The following GRAMD2B variants were observed in gnomAD, a reference collection of about 807,000 sequenced individuals.
GRAMD2B encodes the protein GRAM domain-containing protein 2B.
A neutral mutation model predicts 59.2 loss-of-function variants in GRAMD2B; 41 were observed. The ratio of observed to expected loss-of-function variants is 0.69; its 90% CI spans 0.54 to 0.90. GRAMD2B has a LOEUF of 0.90. Ranked by LOEUF, GRAMD2B falls within the 40% of genes least tolerant of loss-of-function variation. The pLI is 0.00. For synonymous variants in GRAMD2B, 161 were observed against 182.7 expected, an observed-to-expected ratio of 0.88 and a Z score of 0.96; for missense variants, 424 against 500.5, an observed-to-expected ratio of 0.85 and a Z score of 1.46.
intron 1 of GRAMD2B, among the ~76,000 whole-genome samples, chr5:126,386,390 G>A (rs1017217029): frequency 6.6e-6 from 1 of 152,194 alleles, no homozygotes; most frequent in African/African-American, 2.4e-5. Context: ...GGTTAGATGA[G>A]TTGTCAATTG....
chr5:126,367,421 C>A (rs1754506083), upstream of GRAMD2B, among the ~76,000 whole-genome samples: 1 of 142,988 alleles, frequency 7.0e-6, no homozygotes, highest in South Asian at 2.2e-4. Flanking sequence ...AAATCCTACA[C>A]CTGTAAAAAC....
At chr5:126,447,783 T>C (rs1056365476) in intron 1 of GRAMD2B, among the ~76,000 whole-genome samples, 6 of 151,756 alleles carry the variant, frequency 4.0e-5, no homozygotes, top group Non-Finnish European at 8.8e-5. Flanking sequence ...TACAGAGATG[T>C]GAAAAGACCA....
chr5:126,455,109 G>C (rs922549394), intron 1 of GRAMD2B, among the ~76,000 whole-genome samples: 1 of 151,970 alleles, frequency 6.6e-6, no homozygotes, highest in Non-Finnish European at 1.5e-5. Flanking sequence ...GTTGTCTCTG[G>C]ATTTTCCCTC....
chr5:126,457,085 G>A lies in GRAMD2B; in HGVS notation c.84-8341G>A, dbSNP rs575333357. On this transcript the variant is annotated intron_variant, in intron 1 of 13. Coordinates refer to ENST00000285689, the MANE Select transcript of GRAMD2B (RefSeq NM_023927.4). Reference sequence around the variant, plus strand: ...CAGGCGCCTGTAGTCCCAGCTACTCGGGAGGCTGAGGCGAGAGAATGGCAT... The same window carrying A: ...CAGGCGCCTGTAGTCCCAGCTACTCAGGAGGCTGAGGCGAGAGAATGGCAT... Among the ~76,000 whole-genome samples, 6 of 151,370 alleles carry A rather than the reference G, an allele frequency of 4.0e-5. No homozygotes were observed. In the East Asian group the frequency reaches 9.8e-4, roughly 25 times the overall value.
chr5:126,478,299 G>A (rs759123090), intron 6 of GRAMD2B, among the ~76,000 whole-genome samples: 2 of 151,938 alleles, frequency 1.3e-5, no homozygotes, highest in South Asian at 2.1e-4. Context: ...TTAGCCAGGT[G>A]TGGTGGTATG....
intron 1 of GRAMD2B, 66 bp downstream of exon 1, chr5:126,423,755 CG>C: frequency 2.0e-6 from 3 of 1,490,896 alleles, no homozygotes; most frequent in Non-Finnish European, 2.7e-6. Flanking sequence ...TTCTCTGCCC[CG>C]GGACGCATTT....
intron 13 of GRAMD2B, 88 bp from the exon 14 acceptor site, chr5:126,492,827 T>C (rs1774186329): frequency 2.5e-6 from 2 of 802,322 alleles, no homozygotes; most frequent in Admixed American, 2.5e-5. Flanking sequence ...AGTGGAATAA[T>C]ATAGAATGCT....
intron 1 of GRAMD2B, among the ~76,000 whole-genome samples, chr5:126,382,254 A>C (rs1755719372): frequency 6.6e-6 from 1 of 152,184 alleles, no homozygotes; most frequent in South Asian, 2.1e-4. Context: ...AGGCCAGGAA[A>C]GTTTTCCTCA....
chr5:126,387,775 A>G (rs1756305738), intron 1 of GRAMD2B, among the ~76,000 whole-genome samples: 1 of 152,156 alleles, frequency 6.6e-6, no homozygotes, highest in Non-Finnish European at 1.5e-5. Flanking sequence ...AACAGAGACT[A>G]TATATACACA....
chr5:126,488,319 T>C (rs970566419), intron 12 of GRAMD2B, among the ~76,000 whole-genome samples: 1 of 152,196 alleles, frequency 6.6e-6, no homozygotes, highest in Non-Finnish European at 1.5e-5. Context: ...ATTATAGTTG[T>C]ATGATAAATC....
At chr5:126,397,663 T>C (rs1478560859) in intron 1 of GRAMD2B, among the ~76,000 whole-genome samples, 1 of 152,248 alleles carries the variant, frequency 6.6e-6, no homozygotes, top group East Asian at 1.9e-4. Context: ...TTTGTTAATG[T>C]GTTGTATCAC....
At position 126,470,293 on chromosome 5, in the gene GRAMD2B, G is replaced by A. The variant is rs191079205; in HGVS notation, c.315+505G>A. Among the ~76,000 whole-genome samples the A allele has an allele frequency of 1.1e-4, 16 of 152,312 alleles. No homozygotes were observed. The East Asian group carries it at 2.9e-3, about 28-fold the overall frequency. On this transcript the variant is annotated intron_variant, in intron 3 of 13. Coordinates refer to ENST00000285689, the MANE Select transcript of GRAMD2B (RefSeq NM_023927.4). ...AAGCCTAGTTCTATGTCATCAGAGA[G>A]TGTGATGCATGTGCTGGGGACAGGA...
chr5:126,393,164 T>G (rs1756994727), intron 1 of GRAMD2B, among the ~76,000 whole-genome samples: 1 of 152,130 alleles, frequency 6.6e-6, no homozygotes. Flanking sequence ...CTTTCACCCA[T>G]CAGCTTCATC....
intron 1 of GRAMD2B, among the ~76,000 whole-genome samples, chr5:126,449,247 T>C (rs1764889041): frequency 6.6e-6 from 1 of 152,246 alleles, no homozygotes; most frequent in African/African-American, 2.4e-5. Flanking sequence ...CCGTAAAAGT[T>C]AGTTATATTT....
intron 1 of GRAMD2B, among the ~76,000 whole-genome samples, chr5:126,442,079 A>G (rs191076375): frequency 6.3e-4 from 96 of 151,724 alleles, no homozygotes; most frequent in Admixed American, 1.2e-3. Context: ...TATTCCTAAT[A>G]TGCCTATGAA....
intron 13 of GRAMD2B, 50 bp downstream of exon 13, chr5:126,488,942 G>T (rs753347070): frequency 1.5e-6 from 2 of 1,348,238 alleles, no homozygotes; most frequent in Non-Finnish European, 1.1e-6. Context: ...AGTGCCTGTT[G>T]GTTGCCCTAG....
chr5:126,451,557 C>T (rs542981616), intron 1 of GRAMD2B, among the ~76,000 whole-genome samples: 3 of 152,146 alleles, frequency 2.0e-5, no homozygotes, highest in Admixed American at 6.5e-5. Context: ...TTTTATTTTA[C>T]AGGCTCATTA....
At chr5:126,413,263 C>T (rs1201317984) in intron 1 of GRAMD2B, among the ~76,000 whole-genome samples, 2 of 152,096 alleles carry the variant, frequency 1.3e-5, no homozygotes, top group Admixed American at 6.6e-5. Context: ...TTCCTTTTAA[C>T]ATTGCTTTTG....
chr5:126,371,476 G>A, exon 1 of GRAMD2B: 1 of 1,289,246 alleles, frequency 7.8e-7, no homozygotes, highest in Non-Finnish European at 1.0e-6. Flanking sequence ...TAGTGACACG[G>A]TGTTCCGGTT....
Sources: allele counts gnomAD v4.1 joint callset (sites outside exome capture counted in the v4.1 genomes callset), GRCh38; gene constraint gnomAD v4.1.1; transcripts MANE v1.5; gene names NCBI Gene and HGNC (gene_info 2026-07-23, HGNC 2026-07-21).